PCDHA6: variants seen among roughly 807,000 people sequenced by gnomAD.
PCDHA6 encodes the protein protocadherin alpha-6.
In PCDHA6, 55 loss-of-function variants were observed where a neutral mutation model predicts 60.3. That is an observed-to-expected ratio of 0.91 (90% CI 0.73 to 1.14). The LOEUF is 1.14. PCDHA6 is among the 50% of genes most tolerant of loss of function. The pLI, the probability that PCDHA6 is intolerant of heterozygous loss-of-function variation, is 0.00. For synonymous variants in PCDHA6, 652 were observed against 557.9 expected, an observed-to-expected ratio of 1.17 and a Z score of -2.38; for missense variants, 1,327 against 1,256.5, an observed-to-expected ratio of 1.06 and a Z score of -0.85.
chr5:140,845,256 T>A (rs1349718505), intron 1 of PCDHA6, among the ~76,000 whole-genome samples: 1 of 149,608 alleles, frequency 6.7e-6, no homozygotes, highest in Admixed American at 6.7e-5. Flanking sequence ...GAATAATATG[T>A]GTTTTCCTTT....
chr5:140,862,857 T>A (rs782223560), intron 1 of PCDHA6: 4 of 517,166 alleles, frequency 7.7e-6, no homozygotes, highest in Non-Finnish European at 1.5e-5. Flanking sequence ...TGAGCAGCAA[T>A]GTGACGCTGC....
chr5:140,929,282 A>T, intron 1 of PCDHA6: 1 of 1,601,564 alleles, frequency 6.2e-7, no homozygotes, highest in South Asian at 1.1e-5. Flanking sequence ...TCCTGTATTC[A>T]GATTCGGAAT....
chr5:140,837,733 GT>G (rs1775232652), intron 1 of PCDHA6, among the ~76,000 whole-genome samples: 1 of 151,046 alleles, frequency 6.6e-6, no homozygotes, highest in Non-Finnish European at 1.5e-5. Context: ...CTGAAATGCA[GT>G]GGTGGGATTA....
At chr5:140,912,844 C>T (rs960802369) in intron 1 of PCDHA6, among the ~76,000 whole-genome samples, 16 of 152,150 alleles carry the variant, frequency 1.1e-4, no homozygotes, top group Admixed American at 2.6e-4. Context: ...AATGCTTTTT[C>T]AGCATCAATT....
intron 1 of PCDHA6, among the ~76,000 whole-genome samples, chr5:140,975,613 A>G (rs1482474647): frequency 1.3e-5 from 2 of 152,226 alleles, no homozygotes; most frequent in Non-Finnish European, 2.9e-5. Context: ...TGTCTTCCAC[A>G]TGGATTTCCA....
intron 1 of PCDHA6, among the ~76,000 whole-genome samples, chr5:140,839,780 T>G (rs1258121900): frequency 2.0e-5 from 3 of 152,092 alleles, no homozygotes; most frequent in African/African-American, 7.2e-5. Context: ...GGTAAGAATT[T>G]TGTAGAAATT....
intron 3 of PCDHA6, among the ~76,000 whole-genome samples, chr5:140,985,949 C>T (rs1195801055): frequency 2.6e-5 from 4 of 152,032 alleles, no homozygotes; most frequent in African/African-American, 9.7e-5. Context: ...CTGTGTTAGC[C>T]AGGATGGTCT....
intron 3 of PCDHA6, among the ~76,000 whole-genome samples, chr5:140,987,258 G>A (rs1292743876): frequency 6.6e-6 from 1 of 151,918 alleles, no homozygotes; most frequent in Non-Finnish European, 1.5e-5. Context: ...ACATTCTCAG[G>A]AATGGGACCC....
chr5:140,872,209 T>C (rs900203010), intron 1 of PCDHA6, among the ~76,000 whole-genome samples: 4 of 152,214 alleles, frequency 2.6e-5, no homozygotes, highest in South Asian at 2.1e-4. Context: ...AAATTCATTA[T>C]ATATGAAACA....
At chr5:140,919,404 T>C (rs1554199054) in intron 1 of PCDHA6, among the ~76,000 whole-genome samples, 1 of 152,218 alleles carries the variant, frequency 6.6e-6, no homozygotes, top group African/African-American at 2.4e-5. Context: ...TCCTAAAAAC[T>C]CTAGACTGAC....
rs1039422866 is a variant in PCDHA6 at position 140,928,669 on chromosome 5, A to G, written c.2395-50280A>G. 6 of 1,614,042 alleles carry G rather than the reference A, an allele frequency of 3.7e-6. No homozygotes were observed. The African/African-American group carries it at 6.7e-5, about 18-fold the overall frequency. On this transcript the variant is annotated intron_variant, in intron 1 of 3. Transcript: ENST00000529310. ...AGCAGAGGATGCTGACAGTGGTTCT[A>G]ATGCCTGGCTTTCCTACCACATCTC...
At chr5:140,857,046 G>T in intron 1 of PCDHA6, 1 of 1,595,844 alleles carries the variant, frequency 6.3e-7, no homozygotes, top group Non-Finnish European at 8.6e-7. Flanking sequence ...GTTGGTCACT[G>T]CACGGTCCTA....
chr5:140,856,396 C>T, intron 1 of PCDHA6: 1 of 1,598,526 alleles, frequency 6.3e-7, no homozygotes, highest in Non-Finnish European at 8.6e-7. Context: ...TGCAGGTTTT[C>T]CATGTGGACG....
At chr5:140,880,870 G>T (rs1413243877) in intron 1 of PCDHA6, among the ~76,000 whole-genome samples, 1 of 152,142 alleles carries the variant, frequency 6.6e-6, no homozygotes, top group East Asian at 1.9e-4. Context: ...ATGTGAAGAG[G>T]TAAATAAAGA....
At chr5:140,917,332 G>GT (rs1293292013) in intron 1 of PCDHA6, among the ~76,000 whole-genome samples, 2 of 145,540 alleles carry the variant, frequency 1.4e-5, no homozygotes, top group Non-Finnish European at 3.0e-5. Flanking sequence ...GGCGGGGGAG[G>GT]GGGGGGATGG....
intron 3 of PCDHA6, among the ~76,000 whole-genome samples, chr5:141,003,906 T>C (rs2153979379): frequency 6.6e-6 from 1 of 152,260 alleles, no homozygotes; most frequent in South Asian, 2.1e-4. Context: ...TTCATTTGGG[T>C]CTTGACTGCA....
intron 3 of PCDHA6, among the ~76,000 whole-genome samples, chr5:140,990,307 A>C (rs1409511282): frequency 2.6e-5 from 4 of 152,132 alleles, no homozygotes; most frequent in Non-Finnish European, 5.9e-5. Flanking sequence ...TGTCTGTAAA[A>C]AACCAACCAA....
rs2150183232 is a variant in PCDHA6 at position 140,830,234 on chromosome 5, CT to C, written c.2144del (p.Leu715HisfsTer68). 6.2e-7 allele frequency: 1 copy of C among 1,613,834 alleles called. No individual in the cohort carries two copies. Among genetic ancestry groups the C allele is most frequent in the Non-Finnish European group, 8.5e-7 (1 of 1,179,914 alleles). ...GGTATCCAGCCTGCTGGTCCTCACG[CT>C]ACTGCTGTACACAGCGCTGCGGTGC... ...CAVSSLLVLTLLLYTALRCSA... is the reference protein window; with the variant it reads ...CAVSSLLVLTXLLYTALRCSA... On this transcript the variant is annotated frameshift_variant, in exon 1 of 4. Transcript: ENST00000529310. LOFTEE classifies it high-confidence loss of function.
rs1019436942 is a variant in PCDHA6, at chr5:140,858,638, T to C, written c.2394+28153T>C. On this transcript the variant is annotated intron_variant, in intron 1 of 3. Transcript: ENST00000529310. ...TCCTACCCAGTGTGTCAGCCTTTGATTGGTACTTAAATTTTTTTAAATAAC... is the reference window on the plus strand; with the variant it reads ...TCCTACCCAGTGTGTCAGCCTTTGACTGGTACTTAAATTTTTTTAAATAAC... 30 of 971,874 alleles carry C rather than the reference T, an allele frequency of 3.1e-5. 2 individuals carry two copies. The highest frequency in any genetic ancestry group is 4.0e-5 in the Non-Finnish European group (27 of 675,162). 60.2% of individuals were successfully genotyped at this position (971,874 alleles called of 1,614,324 possible). A position where few individuals can be genotyped will look rare whatever the true frequency, so the allele number is the denominator to read the frequency against.
Sources: gnomAD v4.1 joint callset for allele counts (sites outside exome capture counted in the v4.1 genomes callset) on GRCh38, gnomAD v4.1.1 for gene constraint, MANE v1.5 for transcripts, NCBI Gene and HGNC (gene_info 2026-07-23, HGNC 2026-07-21) for gene names.